The following XPO6 variants were observed in gnomAD, a reference collection of about 807,000 sequenced individuals.
XPO6 encodes exportin 6.
XPO6 carries 3 observed loss-of-function variants against 130.0 expected under a neutral mutation model. The observed-to-expected ratio is 0.02, with a 90% confidence interval of 0.01 to 0.06. The LOEUF (loss-of-function observed/expected upper bound fraction) is 0.06, where lower values mean the gene tolerates loss of function less well. Ranked by LOEUF, XPO6 falls within the 10% of genes least tolerant of loss-of-function variation. XPO6 has a pLI of 1.00. For missense variants in XPO6, 970 were observed against 1,393.0 expected, an observed-to-expected ratio of 0.70 and a Z score of 4.83; for synonymous variants, 524 against 548.9, an observed-to-expected ratio of 0.95 and a Z score of 0.63.
intron 17 of XPO6, among the ~76,000 whole-genome samples, chr16:28,108,762 A>G (rs8061007): frequency 0.054 from 8,160 of 152,290 alleles, 562 homozygotes; most frequent in East Asian, 0.17. Flanking sequence ...CCTCTGTGGG[A>G]CTGCCGCAGC....
At chr16:28,191,101 A>C (rs1251080765) in intron 1 of XPO6, among the ~76,000 whole-genome samples, 1 of 152,204 alleles carries the variant, frequency 6.6e-6, no homozygotes, top group African/African-American at 2.4e-5. Context: ...GGGAAAGAGA[A>C]ATGGAGAAAA....
intron 1 of XPO6, among the ~76,000 whole-genome samples, chr16:28,196,802 T>C (rs1483000250): frequency 6.6e-6 from 1 of 152,186 alleles, no homozygotes; most frequent in Non-Finnish European, 1.5e-5. Context: ...CTCACTCTCA[T>C]CCTTCCTCTC....
Position 28,112,925 on chromosome 16 carries a change from A to G in XPO6, c.2130T>C (p.Ser710=). Residue 710 remains serine (S), a synonymous_variant, in exon 16 of 24, where the codon TCT becomes TCC. Coordinates refer to ENST00000304658, the MANE Select transcript of XPO6 (RefSeq NM_015171.4). ...TCACCTTATCGACAAGTCGCAGGGCAGAGGCATCAGTGATTCTGTTGAATA... is the reference window on the plus strand; with the variant it reads ...TCACCTTATCGACAAGTCGCAGGGCGGAGGCATCAGTGATTCTGTTGAATA... ...QKVFNRITDA[S]ALRLVDKAQV... is the part of the protein sequence containing the mutation. The G allele has an allele frequency of 1.9e-6, 3 of 1,614,048 alleles. No homozygotes were observed. In the African/African-American group the frequency reaches 4.0e-5, roughly 22 times the overall value.
intron 14 of XPO6, among the ~76,000 whole-genome samples, chr16:28,120,141 A>C (rs1279634554): frequency 2.0e-5 from 3 of 152,184 alleles, no homozygotes; most frequent in African/African-American, 7.2e-5. Context: ...CATCACGTTC[A>C]GCCATGCAGT....
At chr16:28,183,998 A>G (rs2043656595) in intron 1 of XPO6, among the ~76,000 whole-genome samples, 2 of 152,228 alleles carry the variant, frequency 1.3e-5, no homozygotes, top group Non-Finnish European at 2.9e-5. Flanking sequence ...CCGTTTGGCA[A>G]CAAAGCCACC....
intron 8 of XPO6, among the ~76,000 whole-genome samples, chr16:28,150,586 G>C (rs1291692022): frequency 6.6e-6 from 1 of 151,998 alleles, no homozygotes; most frequent in Non-Finnish European, 1.5e-5. Context: ...AAAGAATCAG[G>C]CATAAGACAT....
Position 28,112,956 on chromosome 16 carries a change from T to C in XPO6, c.2099A>G (p.Gln700Arg). The change falls in exon 16 of 24, where the codon CAG (glutamine) becomes CGG (arginine). Residue 700 changes from glutamine to arginine, a missense_variant. Coordinates refer to ENST00000304658, the MANE Select transcript of XPO6 (RefSeq NM_015171.4). ...PVFLISIPAVQKVFNRITDAS... is the reference protein window; with the variant it reads ...PVFLISIPAVRKVFNRITDAS... ...ATCAGTGATTCTGTTGAATACTTTC[T>C]GCACTGCAGGGATGCTGATCAGAAA... The C allele has an allele frequency of 6.2e-7, 1 of 1,614,166 alleles. No homozygotes were observed. The highest frequency in any genetic ancestry group is 8.5e-7 in the Non-Finnish European group (1 of 1,180,008).
chr16:28,122,829 G>A (rs1374502571), intron 13 of XPO6, among the ~76,000 whole-genome samples: 1 of 151,964 alleles, frequency 6.6e-6, no homozygotes, highest in Non-Finnish European at 1.5e-5. Context: ...CTATGTGGTG[G>A]GTATATGTGT....
intron 8 of XPO6, among the ~76,000 whole-genome samples, chr16:28,149,234 A>G (rs2043042878): frequency 6.6e-6 from 1 of 152,098 alleles, no homozygotes; most frequent in Admixed American, 6.5e-5. Flanking sequence ...AGACAGAGAC[A>G]TAGGTTTATA....
chr16:28,199,922 C>T (rs1476824534), intron 1 of XPO6, among the ~76,000 whole-genome samples: 1 of 151,918 alleles, frequency 6.6e-6, no homozygotes, highest in Non-Finnish European at 1.5e-5. Context: ...TTTGGGAGGC[C>T]AAGGCGGTGG....
intron 6 of XPO6, 86 bp from the exon 7 acceptor site, chr16:28,156,613 T>C (rs982862697): frequency 2.9e-5 from 23 of 796,684 alleles, no homozygotes; most frequent in South Asian, 4.9e-5. Flanking sequence ...AAAATATATA[T>C]ATATATGTAT....
intron 4 of XPO6, among the ~76,000 whole-genome samples, chr16:28,170,666 A>T (rs1391449690): frequency 2.0e-5 from 3 of 152,228 alleles, no homozygotes; most frequent in Admixed American, 2.0e-4. Context: ...TAAACTTTGC[A>T]TGCTTCAGAA....
chr16:28,161,498 A>C (rs2141836226), intron 6 of XPO6, among the ~76,000 whole-genome samples: 1 of 152,312 alleles, frequency 6.6e-6, no homozygotes, highest in Non-Finnish European at 1.5e-5. Flanking sequence ...GGAGCCAAAA[A>C]AAAGAAAAGT....
intron 6 of XPO6, among the ~76,000 whole-genome samples, chr16:28,161,178 G>T (rs2043272049): frequency 6.6e-6 from 1 of 152,196 alleles, no homozygotes; most frequent in East Asian, 1.9e-4. Flanking sequence ...CTGCAATGTG[G>T]AATCTGGAAT....
Position 28,112,922 on chromosome 16 carries a change from G to A in XPO6, c.2133C>T (p.Ala711=), listed in dbSNP as rs781399401. Residue 711 remains alanine, a synonymous_variant, in exon 16 of 24, where the codon GCC becomes GCT. Coordinates refer to ENST00000304658, the MANE Select transcript of XPO6 (RefSeq NM_015171.4). ...GCCTCACCTTATCGACAAGTCGCAG[G>A]GCAGAGGCATCAGTGATTCTGTTGA... is the stretch of plus-strand genomic sequence containing the variant. ...KVFNRITDAS[A]LRLVDKAQVL... 22 of 1,613,812 alleles carry A rather than the reference G, an allele frequency of 1.4e-5. No homozygotes were observed. The highest frequency in any genetic ancestry group is 4.0e-5 in the African/African-American group (3 of 74,930).
intron 14 of XPO6, among the ~76,000 whole-genome samples, chr16:28,121,376 G>A (rs1192971857): frequency 1.3e-5 from 2 of 152,126 alleles, no homozygotes; most frequent in Non-Finnish European, 2.9e-5. Context: ...GCACTACATG[G>A]AGTAGCCACC....
At chr16:28,112,249 C>G (rs205386) in intron 16 of XPO6, among the ~76,000 whole-genome samples, 87,460 of 152,080 alleles carry the variant, frequency 0.58, 27,513 homozygotes, top group South Asian at 0.72. Flanking sequence ...CGTTTCCTCT[C>G]TAATCTGATA....
chr16:28,120,374 A>G (rs931747534), intron 14 of XPO6, among the ~76,000 whole-genome samples: 9 of 152,220 alleles, frequency 5.9e-5, no homozygotes, highest in Admixed American at 6.5e-5. Flanking sequence ...TTAAAGTAAG[A>G]AAATATAGTT....
rs1001776207 is a variant in XPO6 at position 28,211,641 on chromosome 16, G to A, written c.-273C>T. ...GGAAATGAGGCTCGGATGCCGGCGA[G>A]GAGGGCAGCTGCTCGGGACCCCCGC... On this transcript the variant is annotated 5_prime_UTR_variant, in exon 1 of 24. Coordinates refer to ENST00000304658, the MANE Select transcript of XPO6 (RefSeq NM_015171.4). 2.5e-6 allele frequency: 1 copy of A among 398,254 alleles called. No individual in the cohort carries two copies. 24.7% of individuals were successfully genotyped at this position (398,254 alleles called of 1,614,324 possible).
Sources: allele counts gnomAD v4.1 joint callset (sites outside exome capture counted in the v4.1 genomes callset), GRCh38; gene constraint gnomAD v4.1.1; transcripts MANE v1.5; gene names NCBI Gene and HGNC (gene_info 2026-07-23, HGNC 2026-07-21).